DIS3L2: variants seen among roughly 807,000 people sequenced by gnomAD.
The protein encoded by DIS3L2 is DIS3 like 3'-5' exoribonuclease 2.
Under a neutral mutation model 97.5 loss-of-function variants are expected in DIS3L2, and 34 were observed. That is an observed-to-expected ratio of 0.35 (90% CI 0.27 to 0.46). DIS3L2 has a LOEUF of 0.46. Ranked by LOEUF, DIS3L2 falls within the 20% of genes least tolerant of loss-of-function variation. DIS3L2 has a pLI of 1.00. For missense variants in DIS3L2, 1,038 were observed against 1,146.0 expected (o/e 0.91, Z 1.36); for synonymous variants, 435 against 445.2 (o/e 0.98, Z 0.29).
intron 6 of DIS3L2, among the ~76,000 whole-genome samples, chr2:232,088,638 A>G (rs965360164): frequency 6.6e-6 from 1 of 152,004 alleles, no homozygotes; most frequent in Admixed American, 6.6e-5. Context: ...ATAGCCTTAG[A>G]AAGTATTTTG....
At chr2:232,172,747 TG>T (rs1179321542) in intron 9 of DIS3L2, 1 of 534,528 alleles carries the variant, frequency 1.9e-6, no homozygotes, top group Non-Finnish European at 3.8e-6. Context: ...CCTGTGGCAA[TG>T]TATGAGGGTC....
intron 1 of DIS3L2, among the ~76,000 whole-genome samples, chr2:231,986,452 T>C (rs996926440): frequency 1.3e-5 from 2 of 152,180 alleles, no homozygotes; most frequent in African/African-American, 2.4e-5. Flanking sequence ...CCTAGCAACG[T>C]CCCTTTTAGC....
chr2:231,995,933 A>G (rs1405022831), intron 1 of DIS3L2, among the ~76,000 whole-genome samples: 2 of 152,198 alleles, frequency 1.3e-5, no homozygotes, highest in East Asian at 1.9e-4. Context: ...AAAATTGGTC[A>G]TTTGGGACAA....
intron 11 of DIS3L2, 92 bp downstream of exon 11, chr2:232,238,737 C>T (rs3748885): frequency 0.015 from 17,447 of 1,191,114 alleles, 190 homozygotes; most frequent in Non-Finnish European, 0.016. Flanking sequence ...ACATGTTCTC[C>T]GGAAAGAGAA....
chr2:232,149,203 T>C (rs1289661077), intron 8 of DIS3L2, among the ~76,000 whole-genome samples: 1 of 151,768 alleles, frequency 6.6e-6, no homozygotes, highest in African/African-American at 2.4e-5. Context: ...GTTTTTTTTT[T>C]TTTTTTATTA....
chr2:232,061,397 G>A (rs1235555869), intron 5 of DIS3L2, among the ~76,000 whole-genome samples: 1 of 152,202 alleles, frequency 6.6e-6, no homozygotes, highest in African/African-American at 2.4e-5. Context: ...CCGTGAAGCT[G>A]GAGAGCTTCT....
Position 232,239,598 on chromosome 2 carries a change from T to TG in DIS3L2, c.1317+954dup, listed in dbSNP as rs753280434. Among the ~76,000 whole-genome samples, 6 of 152,326 alleles carry TG rather than the reference T, an allele frequency of 3.9e-5. No homozygotes were observed. In the East Asian group the frequency reaches 7.7e-4, roughly 20 times the overall value. ...CTGCCTATACTAGCTTGAGCCTTCC[T>TG]GCCTCCCAAGCCCATGCCCTAGGAC... On this transcript the variant is annotated intron_variant, in intron 11 of 20. Coordinates refer to ENST00000325385, the MANE Select transcript of DIS3L2 (RefSeq NM_152383.5).
chr2:232,101,611 A>G (rs900825634), intron 6 of DIS3L2, among the ~76,000 whole-genome samples: 31 of 152,202 alleles, frequency 2.0e-4, no homozygotes, highest in African/African-American at 7.2e-4. Context: ...AGTAGTTTTT[A>G]TTCCCAAGAT....
intron 14 of DIS3L2, among the ~76,000 whole-genome samples, chr2:232,323,498 C>T (rs895860447): frequency 3.3e-5 from 5 of 152,164 alleles, no homozygotes; most frequent in Admixed American, 2.6e-4. Flanking sequence ...ACAGCAGGGG[C>T]CCGCCCACTC....
intron 6 of DIS3L2, among the ~76,000 whole-genome samples, chr2:232,101,085 A>G (rs1326053126): frequency 2.6e-5 from 4 of 151,902 alleles, no homozygotes; most frequent in Non-Finnish European, 5.9e-5. Flanking sequence ...AAAATACAAA[A>G]ATTAGGCGTG....
At chr2:232,291,899 T>G (rs1273517557) in intron 13 of DIS3L2, among the ~76,000 whole-genome samples, 1 of 152,222 alleles carries the variant, frequency 6.6e-6, no homozygotes, top group Non-Finnish European at 1.5e-5. Context: ...TTTTTGCCCT[T>G]CCAAGGTCAG....
At chr2:232,064,033 G>A (rs1227312357) in intron 5 of DIS3L2, among the ~76,000 whole-genome samples, 3 of 151,706 alleles carry the variant, frequency 2.0e-5, no homozygotes, top group African/African-American at 7.3e-5. Context: ...CTTGGCTTTG[G>A]TATAAAAAAA....
intron 8 of DIS3L2, among the ~76,000 whole-genome samples, chr2:232,160,960 C>T (rs897511363): frequency 4.6e-5 from 7 of 152,140 alleles, no homozygotes; most frequent in African/African-American, 1.7e-4. Flanking sequence ...CTCTGTTGCC[C>T]AGGCTGGAGT....
chr2:232,324,663 A>G (rs1575019510), intron 14 of DIS3L2, among the ~76,000 whole-genome samples: 1 of 152,132 alleles, frequency 6.6e-6, no homozygotes, highest in East Asian at 1.9e-4. Context: ...AGGGTAGGGG[A>G]GGCAGAAGAA....
intron 12 of DIS3L2, among the ~76,000 whole-genome samples, chr2:232,258,311 G>T (rs916503975): frequency 6.6e-6 from 1 of 152,168 alleles, no homozygotes; most frequent in Admixed American, 6.6e-5. Context: ...GGGGCCAGGT[G>T]TGGTGGCTCA....
chr2:232,337,221 AATGTGACTGTGTCTGACG>A (rs1695989258), downstream of DIS3L2: 1 of 900,166 alleles, frequency 1.1e-6, no homozygotes, highest in African/African-American at 3.5e-5. Context: ...CACCCTGACG[AATGTGACTGTGTCTGACG>A]AATGTGACTG....
intron 7 of DIS3L2, chr2:232,131,083 C>A: frequency 5.2e-6 from 1 of 192,234 alleles, no homozygotes; most frequent in Non-Finnish European, 1.1e-5. Flanking sequence ...CAGATTTGTA[C>A]AGTTTTTGCT....
At chr2:232,342,096 CTGTGTG>C (rs59097449), downstream of DIS3L2, among the ~76,000 whole-genome samples, 150 of 149,746 alleles carry the variant, frequency 1.0e-3, no homozygotes, top group African/African-American at 3.2e-3. Flanking sequence ...CATCAGTAGG[CTGTGTG>C]TGTGTGTGTG....
chr2:232,082,461 G>A (rs919106757), intron 5 of DIS3L2, among the ~76,000 whole-genome samples: 75 of 152,192 alleles, frequency 4.9e-4, no homozygotes, highest in South Asian at 2.1e-4. Context: ...TTAGATTCTC[G>A]TAGGAGCATG....
Sources: allele counts gnomAD v4.1 joint callset (sites outside exome capture counted in the v4.1 genomes callset), GRCh38; gene constraint gnomAD v4.1.1; transcripts MANE v1.5; gene names NCBI Gene and HGNC (gene_info 2026-07-23, HGNC 2026-07-21).